Variants in KCNIP4 observed in about 807,000 individuals in gnomAD.
The protein encoded by KCNIP4 is Kv channel-interacting protein 4.
KCNIP4 carries 12 observed loss-of-function variants against 34.0 expected under a neutral mutation model. The observed-to-expected ratio is 0.35, with a 90% CI of 0.23 to 0.57. The LOEUF is 0.57. KCNIP4 is among the 20% of genes least tolerant of loss of function. The pLI is 0.83. For synonymous variants in KCNIP4, 124 were observed against 102.2 expected (o/e 1.21, Z -1.29); for missense variants, 238 against 311.7 (o/e 0.76, Z 1.78).
intron 1 of KCNIP4, among the ~76,000 whole-genome samples, chr4:21,890,382 T>C (rs893454146): frequency 6.6e-6 from 1 of 152,092 alleles, no homozygotes; most frequent in African/African-American, 2.4e-5. Flanking sequence ...ACAGTCTGAC[T>C]CTCCTTGAAT....
intron 1 of KCNIP4, among the ~76,000 whole-genome samples, chr4:21,791,575 G>A (rs949047054): frequency 6.6e-6 from 1 of 152,058 alleles, no homozygotes; most frequent in Admixed American, 6.6e-5. Context: ...ACACAACCGC[G>A]GGACTCACTC....
At chr4:21,671,428 G>T (rs1749494396) in intron 1 of KCNIP4, among the ~76,000 whole-genome samples, 1 of 152,198 alleles carries the variant, frequency 6.6e-6, no homozygotes, top group Non-Finnish European at 1.5e-5. Context: ...CCATCATAAA[G>T]TGGTTTAGCT....
At chr4:20,910,106 C>T (rs191306458) in intron 1 of KCNIP4, among the ~76,000 whole-genome samples, 1 of 152,110 alleles carries the variant, frequency 6.6e-6, no homozygotes, top group Non-Finnish European at 1.5e-5. Flanking sequence ...GGGATCCAGA[C>T]CTGATGCGTA....
chr4:20,808,282 C>T (rs966397305), intron 3 of KCNIP4, among the ~76,000 whole-genome samples: 8 of 152,072 alleles, frequency 5.3e-5, no homozygotes, highest in African/African-American at 1.4e-4. Flanking sequence ...TGAATAACAA[C>T]ATTTAAGGAT....
intron 1 of KCNIP4, among the ~76,000 whole-genome samples, chr4:21,177,423 C>G (rs1316560948): frequency 6.6e-6 from 1 of 152,086 alleles, no homozygotes; most frequent in Non-Finnish European, 1.5e-5. Flanking sequence ...CTTTATATCT[C>G]TTCTCTCCTT....
intron 1 of KCNIP4, among the ~76,000 whole-genome samples, chr4:21,213,188 TG>T (rs1194361249): frequency 2.0e-5 from 3 of 152,118 alleles, no homozygotes; most frequent in African/African-American, 7.2e-5. Context: ...GAGGCAAAGT[TG>T]GGGGCACTTC....
At chr4:21,442,441 A>G (rs1487487760) in intron 1 of KCNIP4, among the ~76,000 whole-genome samples, 1 of 152,130 alleles carries the variant, frequency 6.6e-6, no homozygotes, top group Non-Finnish European at 1.5e-5. Context: ...TCATCTCCTC[A>G]TATTCTACCT....
chr4:21,414,866 T>C (rs948442834), intron 1 of KCNIP4, among the ~76,000 whole-genome samples: 3 of 152,210 alleles, frequency 2.0e-5, no homozygotes, highest in Non-Finnish European at 2.9e-5. Flanking sequence ...CATGAGATAT[T>C]TTGATACGGG....
rs572540982 is a variant in KCNIP4, at chr4:20,902,999, C to T, written c.62-20290G>A. 4.6e-5 allele frequency among the ~76,000 whole-genome samples: 7 copies of T among 152,250 alleles called. No individual in the cohort carries two copies. The South Asian group carries it at 8.3e-4, about 18-fold the overall frequency. On this transcript the variant is annotated intron_variant, in intron 1 of 8. Coordinates refer to ENST00000382152, the MANE Select transcript of KCNIP4 (RefSeq NM_025221.6). ...TATTTAATATTGTGCCATTGTTTCTCATATGGGAATAATTTCCTATATATG... is the reference window on the plus strand; with the variant it reads ...TATTTAATATTGTGCCATTGTTTCTTATATGGGAATAATTTCCTATATATG...
chr4:21,458,830 C>T (rs1176426117), intron 1 of KCNIP4, among the ~76,000 whole-genome samples: 1 of 152,000 alleles, frequency 6.6e-6, no homozygotes, highest in African/African-American at 2.4e-5. Context: ...AAGAGAACTT[C>T]CTCTAGCTTC....
intron 1 of KCNIP4, chr4:21,763,100 A>G: frequency 1.6e-6 from 2 of 1,288,366 alleles, no homozygotes; most frequent in African/African-American, 1.5e-5. Flanking sequence ...ATGCATTCCT[A>G]ACAACGAGCA....
At chr4:20,781,320 G>A (rs1756851675) in intron 3 of KCNIP4, among the ~76,000 whole-genome samples, 1 of 152,144 alleles carries the variant, frequency 6.6e-6, no homozygotes, top group Non-Finnish European at 1.5e-5. Context: ...CCTACTGTAA[G>A]CCAGGTACAA....
At chr4:21,113,603 C>T (rs539148796) in intron 1 of KCNIP4, among the ~76,000 whole-genome samples, 1 of 152,064 alleles carries the variant, frequency 6.6e-6, no homozygotes, top group East Asian at 1.9e-4. Context: ...AGATTGTTCC[C>T]CATGTCTTCC....
intron 1 of KCNIP4, chr4:21,850,493 AC>A (rs1162697440): frequency 6.6e-6 from 1 of 151,970 alleles, no homozygotes; most frequent in Non-Finnish European, 1.5e-5. Flanking sequence ...TCAGCCCCTC[AC>A]CGTGTGATGC....
Position 21,531,914 on chromosome 4 carries a change from G to A in KCNIP4, c.61+416657C>T, listed in dbSNP as rs542569296. 1.4e-4 allele frequency among the ~76,000 whole-genome samples: 21 copies of A among 152,182 alleles called. No individual in the cohort carries two copies. In the East Asian group the frequency reaches 4.1e-3, roughly 29 times the overall value. ...AATATAATGTAAAGTCAAAGTACAA[G>A]AAAGTCTTATGCTTTCAAGCCTTGA... On this transcript the variant is annotated intron_variant, in intron 1 of 8. Transcript: ENST00000382152.
rs1747401356 is a variant in KCNIP4, at chr4:20,729,651, T to TTAATTTAATTTCTGGAAATTAAATGCAGA, written c.*402_*430dup. 1 of 139,210 alleles carries TTAATTTAATTTCTGGAAATTAAATGCAGA rather than the reference T, an allele frequency of 7.2e-6. No individual in the cohort carries two copies. The allele number at this position is 139,210 out of a possible 1,614,324, so 8.6% of individuals were successfully genotyped here. ...GAATTACAGCATTCAAACATGAAAA[T>TTAATTTAATTTCTGGAAATTAAATGCAGA]TAATTTAATTTCTGGAAATTAAATG... On this transcript the variant is annotated 3_prime_UTR_variant, in exon 9 of 9. Coordinates refer to ENST00000382152, the MANE Select transcript of KCNIP4 (RefSeq NM_025221.6).
At chr4:21,521,072 T>C (rs1735482438) in intron 1 of KCNIP4, among the ~76,000 whole-genome samples, 1 of 152,184 alleles carries the variant, frequency 6.6e-6, no homozygotes, top group Admixed American at 6.5e-5. Context: ...ATCTCTTTTG[T>C]GCCTTTAATT....
intron 1 of KCNIP4, among the ~76,000 whole-genome samples, chr4:21,461,778 G>A (rs1729485088): frequency 6.6e-6 from 1 of 151,788 alleles, no homozygotes; most frequent in South Asian, 2.1e-4. Flanking sequence ...TCAGAATTTG[G>A]TTAAGAGGTT....
chr4:20,742,903 G>A (rs953571542), intron 5 of KCNIP4, among the ~76,000 whole-genome samples: 3 of 152,040 alleles, frequency 2.0e-5, no homozygotes, highest in Non-Finnish European at 4.4e-5. Context: ...AAAATCACAG[G>A]CATTCCTATA....
Sources: allele counts gnomAD v4.1 joint callset (sites outside exome capture counted in the v4.1 genomes callset), GRCh38; gene constraint gnomAD v4.1.1; transcripts MANE v1.5; gene names NCBI Gene and HGNC (gene_info 2026-07-23, HGNC 2026-07-21).